Variants in DNAH8 observed in about 807,000 individuals in gnomAD.
The protein encoded by DNAH8 is dynein axonemal heavy chain 8, also known as axonemal beta dynein heavy chain 8.
DNAH8 carries 382 observed loss-of-function variants against 562.1 expected under a neutral mutation model. That is an observed-to-expected ratio of 0.68 (90% CI 0.63 to 0.74). The LOEUF (loss-of-function observed/expected upper bound fraction) is 0.74, where lower values mean the gene tolerates loss of function less well. Ranked by LOEUF, DNAH8 falls within the 30% of genes least tolerant of loss-of-function variation. DNAH8 has a pLI of 0.00. For synonymous variants in DNAH8, 1,881 were observed against 1,919.4 expected, an observed-to-expected ratio of 0.98 and a Z score of 0.52; for missense variants, 5,203 against 5,620.4, an observed-to-expected ratio of 0.93 and a Z score of 2.37.
At chr6:39,007,170 G>A (rs528980312) in intron 88 of DNAH8, among the ~76,000 whole-genome samples, 2 of 152,234 alleles carry the variant, frequency 1.3e-5, no homozygotes, top group East Asian at 3.9e-4. Context: ...CAGAAGGGTG[G>A]TTCACAGTAA....
At chr6:38,773,593 G>A (rs1252746805) in intron 12 of DNAH8, among the ~76,000 whole-genome samples, 1 of 152,296 alleles carries the variant, frequency 6.6e-6, no homozygotes, top group Non-Finnish European at 1.5e-5. Context: ...CATCCTGATT[G>A]CTAGGTTATC....
intron 8 of DNAH8, among the ~76,000 whole-genome samples, chr6:38,749,140 A>C (rs370107512): frequency 3.5e-4 from 54 of 152,266 alleles, no homozygotes; most frequent in African/African-American, 1.3e-3. Context: ...CATCAATGAT[A>C]GACTGGATAA....
At chr6:39,014,014 T>G (rs1183760814) in intron 91 of DNAH8, among the ~76,000 whole-genome samples, 2 of 148,600 alleles carry the variant, frequency 1.3e-5, no homozygotes, top group African/African-American at 4.9e-5. Context: ...TTGTGCAGGG[T>G]TTTTTTTGTG....
chr6:38,845,842 C>T (rs531166038), intron 36 of DNAH8, 69 bp downstream of exon 36: 1 of 1,348,034 alleles, frequency 7.4e-7, no homozygotes, highest in Admixed American at 1.8e-5. Context: ...AGTAAAAGCT[C>T]AGTTTTAAAG....
At chr6:39,023,809 A>G (rs1767091717) in intron 91 of DNAH8, among the ~76,000 whole-genome samples, 1 of 152,242 alleles carries the variant, frequency 6.6e-6, no homozygotes, top group Non-Finnish European at 1.5e-5. Context: ...TTCTCTGAAC[A>G]TGGGAATGGC....
intron 35 of DNAH8, 128 bp downstream of exon 35, chr6:38,843,031 G>C (rs1261203283): frequency 2.4e-6 from 2 of 843,540 alleles, no homozygotes; most frequent in Non-Finnish European, 3.6e-6. Flanking sequence ...CTCAAAATTT[G>C]GAATGATCCT....
At chr6:38,925,286 ATTATTTTATTTTATT>A (rs72056166) in intron 73 of DNAH8, among the ~76,000 whole-genome samples, 53,155 of 129,718 alleles carry the variant, frequency 0.41, 11,302 homozygotes, top group Middle Eastern at 0.48. Context: ...TGGATCTCTG[ATTATTTTATTTTATT>A]TTATTTTATT....
At chr6:38,885,991 G>T (rs113828802) in intron 56 of DNAH8, among the ~76,000 whole-genome samples, 1,886 of 152,316 alleles carry the variant, frequency 0.012, 48 homozygotes, top group African/African-American at 0.043. Context: ...TTGGTTAATT[G>T]AAAGACGGTT....
intron 77 of DNAH8, among the ~76,000 whole-genome samples, chr6:38,935,909 C>T (rs1241109527): frequency 6.6e-6 from 1 of 152,104 alleles, no homozygotes; most frequent in African/African-American, 2.4e-5. Context: ...CTGAGAATAA[C>T]ACAATTTTCT....
At chr6:38,726,100 G>A (rs374839634) in intron 3 of DNAH8, among the ~76,000 whole-genome samples, 3 of 152,320 alleles carry the variant, frequency 2.0e-5, no homozygotes, top group African/African-American at 7.2e-5. Flanking sequence ...CAGGCTTTAG[G>A]CCTGTCCCGA....
intron 32 of DNAH8, among the ~76,000 whole-genome samples, chr6:38,836,591 T>C (rs1173919985): frequency 6.6e-6 from 1 of 151,210 alleles, no homozygotes; most frequent in African/African-American, 2.4e-5. Context: ...TCTCTCGAGG[T>C]GTGAGCCAAA....
At position 38,898,317 on chromosome 6, in the gene DNAH8, A is replaced by T. The variant is rs1779836816; in HGVS notation, c.9000A>T (p.Glu3000Asp). The part of the protein sequence containing the change: ...KLQFYQRQFN[E>D]IIRGTSLDLV... Reference sequence around the variant, plus strand: ...AGTTTTACCAGAGACAGTTCAATGAAATCATTAGAGGAACATCTCTTGATC... The same window carrying T: ...AGTTTTACCAGAGACAGTTCAATGATATCATTAGAGGAACATCTCTTGATC... Residue 3000 changes from glutamate to aspartate, a missense_variant, in exon 61 of 93, where the codon GAA (glutamate) becomes GAT (aspartate). Around this residue, in one of 6 missense-constraint regions of DNAH8, gnomAD observed 977 missense variants for 1,061.8 expected, o/e 0.92. Transcript: ENST00000327475. The T allele has an allele frequency of 6.3e-7, 1 of 1,590,246 alleles. No individual in the cohort carries two copies. The highest frequency in any genetic ancestry group is 8.5e-7 in the Non-Finnish European group (1 of 1,172,314).
chr6:38,906,046 T>C (rs1780444820), intron 62 of DNAH8, among the ~76,000 whole-genome samples: 1 of 151,798 alleles, frequency 6.6e-6, no homozygotes, highest in South Asian at 2.1e-4. Context: ...GCTGGGATTA[T>C]AGGCACACAC....
intron 82 of DNAH8, among the ~76,000 whole-genome samples, chr6:38,960,459 A>G (rs1238499224): frequency 3.9e-5 from 6 of 151,982 alleles, no homozygotes; most frequent in African/African-American, 1.4e-4. Context: ...TAAAGTGGAC[A>G]AGAGATCCAA....
At position 38,834,569 on chromosome 6, in the gene DNAH8, T is replaced by G. The variant is rs769192304; in HGVS notation, c.4303-10T>G. On this transcript the variant is annotated splice_polypyrimidine_tract_variant and intron_variant, in intron 31 of 92. Coordinates refer to ENST00000327475, the MANE Select transcript of DNAH8 (RefSeq NM_001206927.2). ...AAGAATGAAAATGGAGATTATATTC[T>G]TCCTTACAGGAAGGACCTATGGTTC... is the stretch of plus-strand genomic sequence containing the variant. The G allele has an allele frequency of 6.4e-7, 1 of 1,560,834 alleles. No homozygotes were observed. Among genetic ancestry groups the G allele is most frequent in the East Asian group, 2.3e-5 (1 of 43,818 alleles).
rs1382082339 is a variant in DNAH8 at position 38,929,737 on chromosome 6, A to G, written c.11274+71A>G. On this transcript the variant is annotated intron_variant, in intron 75 of 92. Transcript: ENST00000327475. ...AAAAGAAAAAAAGAAAAAAATTAAG[A>G]AAGAGAAAGAAAGAAAAGAACAATG... 1.4e-5 allele frequency: 18 copies of G among 1,331,074 alleles called. No homozygotes were observed. In the Admixed American group the frequency reaches 4.9e-4, roughly 36 times the overall value. The allele number at this position is 1,331,074 out of a possible 1,614,324, so 82.5% of individuals were successfully genotyped here. A position where few individuals can be genotyped will look rare whatever the true frequency, so the allele number is the denominator to read the frequency against.
chr6:38,888,655 T>G (rs1041729744), intron 57 of DNAH8, among the ~76,000 whole-genome samples: 12 of 152,214 alleles, frequency 7.9e-5, no homozygotes, highest in African/African-American at 2.9e-4. Flanking sequence ...ATCAGTATTC[T>G]GGAAAATACA....
intron 21 of DNAH8, among the ~76,000 whole-genome samples, chr6:38,802,028 G>C (rs1770822196): frequency 2.0e-5 from 3 of 151,832 alleles, no homozygotes; most frequent in African/African-American, 4.8e-5. Flanking sequence ...TGCCTCCTGG[G>C]CTCAAGCAAT....
intron 91 of DNAH8, among the ~76,000 whole-genome samples, chr6:39,016,118 G>A (rs908140113): frequency 5.3e-5 from 8 of 152,116 alleles, no homozygotes; most frequent in Admixed American, 3.3e-4. Context: ...TGGAAGCCTC[G>A]CTGGACACTA....
Sources: gnomAD v4.1 joint callset for allele counts (sites outside exome capture counted in the v4.1 genomes callset) on GRCh38, gnomAD v4.1.1 for gene constraint, gnomAD v4.1.1 regional missense constraint, MANE v1.5 for transcripts, NCBI Gene and HGNC (gene_info 2026-07-23, HGNC 2026-07-21) for gene names.